Variants in CSMD1 observed in about 807,000 individuals in gnomAD.
CSMD1 encodes CUB and Sushi multiple domains 1.
A neutral mutation model predicts 417.5 loss-of-function variants in CSMD1; 213 were observed. The observed-to-expected ratio is 0.51, with a 90% CI of 0.46 to 0.57. CSMD1 has a LOEUF of 0.57. Ranked by LOEUF, CSMD1 falls within the 20% of genes least tolerant of loss-of-function variation. The pLI, the probability that CSMD1 is intolerant of heterozygous loss-of-function variation, is 0.00. For synonymous variants in CSMD1, 2,862 were observed against 1,736.8 expected, an observed-to-expected ratio of 1.65 and a Z score of -16.11; for missense variants, 6,923 against 4,529.7, an observed-to-expected ratio of 1.53 and a Z score of -15.17.
chr8:4,191,099 G>GA (rs199990524), intron 3 of CSMD1, among the ~76,000 whole-genome samples: 1 of 151,684 alleles, frequency 6.6e-6, no homozygotes. Flanking sequence ...AATAAAAGTT[G>GA]AAAAAAATTC....
chr8:3,346,638 T>C (rs145033160), intron 22 of CSMD1, among the ~76,000 whole-genome samples: 2,551 of 152,304 alleles, frequency 0.017, 33 homozygotes, highest in Non-Finnish European at 0.025. Flanking sequence ...ATCTGTAAGC[T>C]TCTCCTGACC....
intron 39 of CSMD1, 23 bp downstream of exon 39, chr8:3,157,859 TGTGCGCAGCAGCAGA>T (rs1563095299): frequency 1.3e-6 from 2 of 1,494,338 alleles, no homozygotes; most frequent in Admixed American, 4.0e-5. Context: ...CTTCCCAGTG[TGTGCGCAGCAGCAGA>T]GTTACAGAAG....
chr8:3,054,878 G>C (rs563465631), intron 49 of CSMD1, among the ~76,000 whole-genome samples: 1 of 152,242 alleles, frequency 6.6e-6, no homozygotes, highest in Non-Finnish European at 1.5e-5. Flanking sequence ...GAAGACTGTT[G>C]GCATGTGGAA....
intron 2 of CSMD1, among the ~76,000 whole-genome samples, chr8:4,420,455 T>A (rs1043241946): frequency 2.6e-5 from 4 of 152,102 alleles, no homozygotes; most frequent in Admixed American, 1.3e-4. Context: ...TCATGGTGGT[T>A]TGCTGCACCT....
At chr8:4,857,284 T>C (rs1801859780) in intron 1 of CSMD1, among the ~76,000 whole-genome samples, 1 of 147,194 alleles carries the variant, frequency 6.8e-6, no homozygotes, top group African/African-American at 2.5e-5. Context: ...GAGGAAAATT[T>C]ATAGCACTAA....
chr8:3,694,503 T>C (rs1218689802), intron 7 of CSMD1, among the ~76,000 whole-genome samples: 3 of 151,974 alleles, frequency 2.0e-5, no homozygotes, highest in Admixed American at 1.3e-4. Context: ...AGCATGTGCA[T>C]AGAGACAGTC....
At chr8:4,537,294 T>C (rs1320354706) in intron 2 of CSMD1, among the ~76,000 whole-genome samples, 3 of 152,206 alleles carry the variant, frequency 2.0e-5, no homozygotes, top group Admixed American at 6.5e-5. Flanking sequence ...AAAATGCTTA[T>C]CTTTTTATAA....
chr8:3,786,952 C>T (rs1271751446), intron 5 of CSMD1, among the ~76,000 whole-genome samples: 1 of 152,108 alleles, frequency 6.6e-6, no homozygotes, highest in African/African-American at 2.4e-5. Context: ...TGGATGGACA[C>T]CGGCATTCAA....
At chr8:4,632,341 C>T (rs1585362655) in intron 2 of CSMD1, among the ~76,000 whole-genome samples, 3 of 151,908 alleles carry the variant, frequency 2.0e-5, no homozygotes, top group South Asian at 2.1e-4. Flanking sequence ...GGTGAAACCC[C>T]GTCTCTACTA....
intron 2 of CSMD1, among the ~76,000 whole-genome samples, chr8:4,505,695 C>T (rs1405209051): frequency 6.6e-6 from 1 of 152,120 alleles, no homozygotes; most frequent in Non-Finnish European, 1.5e-5. Context: ...GTTCTAAGAG[C>T]TTTCATTTCT....
intron 5 of CSMD1, among the ~76,000 whole-genome samples, chr8:3,820,492 G>C (rs572554005): frequency 6.6e-6 from 1 of 152,128 alleles, no homozygotes. Context: ...AGTTTGTCAG[G>C]GTCAACAGCA....
chr8:4,237,555 G>C (rs1425239551), intron 3 of CSMD1, among the ~76,000 whole-genome samples: 2 of 149,956 alleles, frequency 1.3e-5, no homozygotes, highest in Admixed American at 1.3e-4. Flanking sequence ...TTGTTTTTGA[G>C]TTGGAGTCTT....
intron 2 of CSMD1, among the ~76,000 whole-genome samples, chr8:4,469,233 G>C (rs114796069): frequency 6.6e-6 from 1 of 152,084 alleles, no homozygotes; most frequent in Non-Finnish European, 1.5e-5. Context: ...GGAAAGGAAA[G>C]CTCATAAAAG....
chr8:3,127,657 T>C (rs914511167), intron 41 of CSMD1: 10 of 152,218 alleles, frequency 6.6e-5, no homozygotes, highest in African/African-American at 1.9e-4. Context: ...TTGGCACACA[T>C]AGCAAAAGGA....
chr8:4,198,291 G>A (rs956086734), intron 3 of CSMD1, among the ~76,000 whole-genome samples: 2 of 152,246 alleles, frequency 1.3e-5, no homozygotes, highest in South Asian at 2.1e-4. Flanking sequence ...AAACCCCAGA[G>A]AAGTGGCAGC....
chr8:4,130,726 T>C (rs1019892910), intron 3 of CSMD1, among the ~76,000 whole-genome samples: 3 of 121,244 alleles, frequency 2.5e-5, no homozygotes, highest in Non-Finnish European at 5.4e-5. Context: ...GAAAGTATTT[T>C]GTCTATCAAC....
At chr8:3,199,547 A>G (rs1199550467) in intron 33 of CSMD1, among the ~76,000 whole-genome samples, 167 bp downstream of exon 33, 1 of 152,182 alleles carries the variant, frequency 6.6e-6, no homozygotes, top group Non-Finnish European at 1.5e-5. Flanking sequence ...AAAAAATTGT[A>G]ATATTTTTAT....
chr8:3,592,366 A>T (rs2449177), intron 8 of CSMD1, among the ~76,000 whole-genome samples: 3 of 152,156 alleles, frequency 2.0e-5, no homozygotes, highest in Non-Finnish European at 4.4e-5. Flanking sequence ...GTAGGCATTT[A>T]AACATTTTTG....
At chr8:3,273,365 T>C (rs1008409677) in intron 26 of CSMD1, among the ~76,000 whole-genome samples, 1 of 152,136 alleles carries the variant, frequency 6.6e-6, no homozygotes, top group African/African-American at 2.4e-5. Context: ...TACATCAATG[T>C]TCATCAAGGA....
Sources: gnomAD v4.1 joint callset for allele counts (sites outside exome capture counted in the v4.1 genomes callset) on GRCh38, gnomAD v4.1.1 for gene constraint, MANE v1.5 for transcripts, NCBI Gene and HGNC (gene_info 2026-07-23, HGNC 2026-07-21) for gene names.